The following SERINC5 variants were observed in gnomAD, a reference collection of about 807,000 sequenced individuals.
The protein encoded by SERINC5 is serine incorporator 5, also known as chromosome 5 open reading frame 12.
Under a neutral mutation model 63.1 loss-of-function variants are expected in SERINC5, and 41 were observed. The observed-to-expected ratio is 0.65, with a 90% CI of 0.51 to 0.84. The LOEUF (loss-of-function observed/expected upper bound fraction) is 0.84, where lower values mean the gene tolerates loss of function less well. Among genes scored for constraint, SERINC5 ranks in the 40% least tolerant of loss-of-function variants. SERINC5 has a pLI of 0.00. For synonymous variants in SERINC5, 222 were observed against 215.2 expected (o/e 1.03, Z -0.28); for missense variants, 523 against 573.0 (o/e 0.91, Z 0.89).
At chr5:80,179,274 G>C (rs1350828763) in intron 2 of SERINC5, among the ~76,000 whole-genome samples, 1 of 152,120 alleles carries the variant, frequency 6.6e-6, no homozygotes, top group Non-Finnish European at 1.5e-5. Context: ...ACTCTAGCCT[G>C]GGCAACAGAG....
chr5:80,189,715 T>C (rs1174507893), intron 2 of SERINC5, among the ~76,000 whole-genome samples: 1 of 152,174 alleles, frequency 6.6e-6, no homozygotes, highest in Admixed American at 6.5e-5. Flanking sequence ...TCTTTTTTTT[T>C]CTTTTCTTTT....
In SERINC5 at chr5:80,238,056, A is replaced by T. The variant is rs1196313753; in HGVS notation, c.27+17840T>A. Among the ~76,000 whole-genome samples the T allele has an allele frequency of 2.9e-4, 43 of 147,002 alleles. 2 individuals are homozygous for T. The highest frequency in any genetic ancestry group is 2.7e-3 in the Admixed American group (39 of 14,312). Reference sequence around the variant, plus strand: ...GAGGCAGAGATTGCAGTGAGCAGAGATCGCACCACTGCACTCCAGCCTGGG... The same window carrying T: ...GAGGCAGAGATTGCAGTGAGCAGAGTTCGCACCACTGCACTCCAGCCTGGG... On this transcript the variant is annotated intron_variant, in intron 1 of 11. Coordinates refer to ENST00000507668, the MANE Select transcript of SERINC5 (RefSeq NM_001174072.3).
intron 2 of SERINC5, among the ~76,000 whole-genome samples, chr5:80,199,420 C>T (rs890143585): frequency 6.6e-6 from 1 of 152,202 alleles, no homozygotes; most frequent in African/African-American, 2.4e-5. Context: ...CACATGGTAT[C>T]ACTCAATAAT....
intron 1 of SERINC5, among the ~76,000 whole-genome samples, chr5:80,238,114 A>AAG (rs775089870): frequency 4.4e-4 from 67 of 151,160 alleles, no homozygotes; most frequent in Non-Finnish European, 5.5e-4. Context: ...AAAAAAAAAA[A>AAG]AAAAAAAAGA....
chr5:80,232,248 CA>C (rs1241047140), intron 1 of SERINC5, among the ~76,000 whole-genome samples: 25 of 144,346 alleles, frequency 1.7e-4, no homozygotes, highest in Non-Finnish European at 2.3e-4. Context: ...ACTAAAAATA[CA>C]AAAAAAAAGC....
intron 8 of SERINC5, among the ~76,000 whole-genome samples, chr5:80,153,807 C>T (rs76298192): frequency 6.8e-6 from 1 of 147,008 alleles, no homozygotes; most frequent in African/African-American, 2.5e-5. Context: ...ATGGTGACAG[C>T]CAAAAAAAAA....
intron 8 of SERINC5, 91 bp downstream of exon 8, chr5:80,158,745 T>G: frequency 7.7e-7 from 1 of 1,295,130 alleles, no homozygotes; most frequent in Non-Finnish European, 1.1e-6. Context: ...CTCAAATGGT[T>G]GCAGCCTCAC....
intron 9 of SERINC5, among the ~76,000 whole-genome samples, chr5:80,147,692 C>T (rs1745910492): frequency 6.6e-6 from 1 of 150,408 alleles, no homozygotes; most frequent in Non-Finnish European, 1.5e-5. Flanking sequence ...CCCCTTCTCC[C>T]TCCCACATGT....
chr5:80,196,321 C>T (rs892347113), intron 2 of SERINC5, among the ~76,000 whole-genome samples: 15 of 152,046 alleles, frequency 9.9e-5, no homozygotes, highest in African/African-American at 3.4e-4. Flanking sequence ...GACCACCTCA[C>T]ACACACTATA....
Position 80,243,784 on chromosome 5 carries a change from T to TAAATAAATAAAA in SERINC5, c.27+12111_27+12112insTTTTATTTATTT, listed in dbSNP as rs547031779. ...ATAAATAAATAAATAAATAAATAAA[T>TAAATAAATAAAA]AAAACAAAATAAAATAAGCAAGCAG... On this transcript the variant is annotated intron_variant, in intron 1 of 11. Transcript: ENST00000507668. Among the ~76,000 whole-genome samples, 129 of 148,886 alleles carry TAAATAAATAAAA rather than the reference T, an allele frequency of 8.7e-4. 1 individual carries two copies. The Middle Eastern group carries it at 0.011, about 12-fold the overall frequency.
intron 1 of SERINC5, among the ~76,000 whole-genome samples, chr5:80,251,173 G>T (rs1167616190): frequency 6.6e-6 from 1 of 152,094 alleles, no homozygotes; most frequent in Non-Finnish European, 1.5e-5. Context: ...CAGCTACTTG[G>T]GAGGCTGAAG....
At chr5:80,246,991 C>A (rs184783281) in intron 1 of SERINC5, among the ~76,000 whole-genome samples, 203 of 152,242 alleles carry the variant, frequency 1.3e-3, no homozygotes, top group African/African-American at 4.8e-3. Flanking sequence ...CTGCAAACAG[C>A]AATATGTAAA....
At chr5:80,222,944 CG>C (rs769960898) in intron 1 of SERINC5, among the ~76,000 whole-genome samples, 1 of 152,128 alleles carries the variant, frequency 6.6e-6, no homozygotes, top group Non-Finnish European at 1.5e-5. Flanking sequence ...ACTGCAGCCT[CG>C]ACCTCCTGGG....
At chr5:80,186,634 G>A (rs541981583) in intron 2 of SERINC5, among the ~76,000 whole-genome samples, 3 of 152,246 alleles carry the variant, frequency 2.0e-5, no homozygotes, top group Admixed American at 6.5e-5. Context: ...GAAAATTCAC[G>A]TAATTTTGTT....
intron 1 of SERINC5, among the ~76,000 whole-genome samples, chr5:80,218,467 G>C (rs1750765111): frequency 6.6e-6 from 1 of 152,150 alleles, no homozygotes; most frequent in Non-Finnish European, 1.5e-5. Context: ...TTGAACCCGG[G>C]AGGCAGAGGT....
intron 1 of SERINC5, among the ~76,000 whole-genome samples, chr5:80,238,332 A>C (rs1242592752): frequency 2.6e-5 from 4 of 152,106 alleles, no homozygotes; most frequent in Non-Finnish European, 4.4e-5. Flanking sequence ...ACTAACGGTG[A>C]GATAGTACAC....
intron 11 of SERINC5, 43 bp from the exon 12 acceptor site, chr5:80,143,853 A>G (rs1387970673): frequency 6.5e-6 from 10 of 1,531,438 alleles, no homozygotes; most frequent in African/African-American, 1.4e-5. Flanking sequence ...GCAGGAATAT[A>G]TTGAGATACA....
intron 9 of SERINC5, among the ~76,000 whole-genome samples, chr5:80,149,967 T>C (rs1746062989): frequency 6.6e-6 from 1 of 152,214 alleles, no homozygotes; most frequent in Non-Finnish European, 1.5e-5. Context: ...TTTTGTTGAC[T>C]GATAGGCATC....
intron 11 of SERINC5, among the ~76,000 whole-genome samples, chr5:80,114,971 G>A (rs1744277002): frequency 6.6e-6 from 1 of 151,874 alleles, no homozygotes; most frequent in Non-Finnish European, 1.5e-5. Flanking sequence ...CATAAACCAG[G>A]GAAAAGGCAG....
Sources: allele counts gnomAD v4.1 joint callset (sites outside exome capture counted in the v4.1 genomes callset), GRCh38; gene constraint gnomAD v4.1.1; transcripts MANE v1.5; gene names NCBI Gene and HGNC (gene_info 2026-07-23, HGNC 2026-07-21).